The following TNIK variants were observed in gnomAD, a reference collection of about 807,000 sequenced individuals.
TNIK encodes TRAF2 and NCK-interacting protein kinase.
A neutral mutation model predicts 191.3 loss-of-function variants in TNIK; 49 were observed. The ratio of observed to expected loss-of-function variants is 0.26; its 90% CI spans 0.20 to 0.32. The LOEUF (loss-of-function observed/expected upper bound fraction) is 0.32. Ranked by LOEUF, TNIK falls within the 10% of genes least tolerant of loss-of-function variation. The probability of loss-of-function intolerance (pLI) is 1.00; values close to 1 mark genes in which losing one functional copy is unlikely to be tolerated. For synonymous variants in TNIK, 594 were observed against 600.9 expected, an observed-to-expected ratio of 0.99 and a Z score of 0.17; for missense variants, 1,155 against 1,702.3, an observed-to-expected ratio of 0.68 and a Z score of 5.66.
intron 19 of TNIK, among the ~76,000 whole-genome samples, chr3:171,108,832 G>A (rs1280706569): frequency 2.0e-5 from 3 of 152,188 alleles, no homozygotes; most frequent in African/African-American, 7.2e-5. Context: ...AAGGGCCCTA[G>A]GCTGGAGGTA....
intron 1 of TNIK, among the ~76,000 whole-genome samples, chr3:171,400,595 T>TAA (rs1720812633): frequency 6.6e-6 from 1 of 151,816 alleles, no homozygotes; most frequent in African/African-American, 2.4e-5. Context: ...AATAAATAAA[T>TAA]AAAGTGCTAG....
intron 2 of TNIK, among the ~76,000 whole-genome samples, chr3:171,330,376 T>C (rs6444980): frequency 0.3 from 45,729 of 152,102 alleles, 6,975 homozygotes; most frequent in South Asian, 0.32. Flanking sequence ...CTAACAAAGA[T>C]AGAAGAAGGA....
At chr3:171,453,659 G>T (rs1453363272) in intron 1 of TNIK, among the ~76,000 whole-genome samples, 1 of 152,230 alleles carries the variant, frequency 6.6e-6, no homozygotes, top group Non-Finnish European at 1.5e-5. Flanking sequence ...CCAGTCAGAA[G>T]AAGGCTGGTG....
chr3:171,330,733 A>C (rs1032210523), intron 2 of TNIK, among the ~76,000 whole-genome samples: 3 of 152,128 alleles, frequency 2.0e-5, no homozygotes, highest in African/African-American at 7.2e-5. Context: ...TATCCTCCAA[A>C]CCCAACCCCA....
intron 1 of TNIK, among the ~76,000 whole-genome samples, chr3:171,409,691 C>T (rs1440088753): frequency 6.7e-6 from 1 of 150,322 alleles, no homozygotes; most frequent in Non-Finnish European, 1.5e-5. Context: ...AACCTCATTC[C>T]CGTCCTCCCC....
Position 171,123,713 on chromosome 3 carries a change from C to T in TNIK, c.2014-11G>A, listed in dbSNP as rs372197636. 2.6e-6 allele frequency: 4 copies of T among 1,548,186 alleles called. No homozygotes were observed. The African/African-American group carries it at 4.1e-5, about 16-fold the overall frequency. ...TGTTCTTTGAGGCACCTGGAAGAAA[C>T]CAGAATTCAGAAATATTTTCCATAA... On this transcript the variant is annotated splice_polypyrimidine_tract_variant and intron_variant, in intron 17 of 32. Transcript: ENST00000436636.
At chr3:171,140,334 C>A in intron 13 of TNIK, 65 bp downstream of exon 13, 1 of 1,355,812 alleles carries the variant, frequency 7.4e-7, no homozygotes, top group Non-Finnish European at 1.0e-6. Context: ...TGACCCACAC[C>A]CCAGAGAAGG....
At chr3:171,144,907 G>A (rs1731328442) in intron 12 of TNIK, among the ~76,000 whole-genome samples, 1 of 152,074 alleles carries the variant, frequency 6.6e-6, no homozygotes, top group South Asian at 2.1e-4. Flanking sequence ...ATGTCTTCCA[G>A]GTTCATCTAC....
At chr3:171,175,675 A>T (rs1282726252) in intron 8 of TNIK, among the ~76,000 whole-genome samples, 1 of 152,256 alleles carries the variant, frequency 6.6e-6, no homozygotes, top group Admixed American at 6.5e-5. Context: ...GATGACAACT[A>T]CAATGGAGAT....
intron 1 of TNIK, among the ~76,000 whole-genome samples, chr3:171,424,144 C>T (rs183593479): frequency 4.6e-5 from 7 of 152,050 alleles, no homozygotes; most frequent in Non-Finnish European, 7.4e-5. Flanking sequence ...CAAGAAAAAA[C>T]AAACAACCCC....
intron 2 of TNIK, among the ~76,000 whole-genome samples, chr3:171,292,991 A>G (rs1163538856): frequency 6.6e-6 from 1 of 152,088 alleles, no homozygotes; most frequent in African/African-American, 2.4e-5. Flanking sequence ...CTGCAAAAAC[A>G]GACAACTCAC....
At chr3:171,152,142 G>C (rs1487130695) in intron 12 of TNIK, among the ~76,000 whole-genome samples, 1 of 152,050 alleles carries the variant, frequency 6.6e-6, no homozygotes, top group Non-Finnish European at 1.5e-5. Context: ...CTAGCTGGGC[G>C]TGGTGGAGCA....
Position 171,115,022 on chromosome 3 carries a change from A to G in TNIK, c.2121-4145T>C, listed in dbSNP as rs1044688565. Among the ~76,000 whole-genome samples, 4 of 152,354 alleles carry G rather than the reference A, an allele frequency of 2.6e-5. No individual in the cohort carries two copies. In the East Asian group the frequency reaches 7.7e-4, roughly 29 times the overall value. ...ATAGTGGTCAAAAATTATTATGCAT[A>G]ATTAAATAATTCCAAAAAAACTTGC... On this transcript the variant is annotated intron_variant, in intron 18 of 32. Transcript: ENST00000436636.
At chr3:171,074,030 CT>C (rs71176590) in intron 28 of TNIK, among the ~76,000 whole-genome samples, 14,485 of 145,208 alleles carry the variant, frequency 0.1, 757 homozygotes, top group Middle Eastern at 0.14. Flanking sequence ...AGGAAAATAA[CT>C]TTTTTTTTTT....
chr3:171,173,897 C>T (rs551619238), intron 9 of TNIK, among the ~76,000 whole-genome samples: 86 of 152,174 alleles, frequency 5.7e-4, no homozygotes, highest in Non-Finnish European at 1.0e-3. Flanking sequence ...TCCCTCTCCC[C>T]GGGAGTCTGA....
chr3:171,074,749 A>G (rs1241671300), intron 28 of TNIK, among the ~76,000 whole-genome samples: 2 of 152,168 alleles, frequency 1.3e-5, no homozygotes, highest in Non-Finnish European at 2.9e-5. Flanking sequence ...GAATTTGAAC[A>G]TACTAGAATA....
chr3:171,373,942 A>C (rs1716881342), intron 1 of TNIK, among the ~76,000 whole-genome samples: 1 of 152,174 alleles, frequency 6.6e-6, no homozygotes, highest in South Asian at 2.1e-4. Context: ...ACATAGTGCT[A>C]GCCTCTCTTA....
intron 2 of TNIK, among the ~76,000 whole-genome samples, chr3:171,311,344 G>C (rs1753995291): frequency 6.6e-6 from 1 of 152,152 alleles, no homozygotes; most frequent in African/African-American, 2.4e-5. Context: ...ACACTTTCCA[G>C]AAACAGCTGG....
chr3:171,156,900 C>T (rs929721889), intron 12 of TNIK, among the ~76,000 whole-genome samples: 1 of 152,218 alleles, frequency 6.6e-6, no homozygotes, highest in Admixed American at 6.5e-5. Context: ...TGCTTATTCA[C>T]TGTGATCTAG....
Sources: gnomAD v4.1 joint callset for allele counts (sites outside exome capture counted in the v4.1 genomes callset) on GRCh38, gnomAD v4.1.1 for gene constraint, MANE v1.5 for transcripts, NCBI Gene and HGNC (gene_info 2026-07-23, HGNC 2026-07-21) for gene names.